Variants in CELF2 observed in about 807,000 individuals in gnomAD.
CELF2 encodes the protein CUGBP Elav-like family member 2, also known as CUG triplet repeat RNA-binding protein 2.
Under a neutral mutation model 62.6 loss-of-function variants are expected in CELF2, and 8 were observed. The ratio of observed to expected loss-of-function variants is 0.13; its 90% CI spans 0.07 to 0.23. CELF2 has a LOEUF of 0.23. CELF2 is among the 10% of genes least tolerant of loss of function. The pLI is 1.00. For missense variants in CELF2, 333 were observed against 671.0 expected (o/e 0.50, Z 5.56); for synonymous variants, 258 against 250.0 (o/e 1.03, Z -0.30).
chr10:10,834,694 A>C (rs906554786), intron 1 of CELF2, among the ~76,000 whole-genome samples: 6 of 152,268 alleles, frequency 3.9e-5, no homozygotes, highest in African/African-American at 1.4e-4. Context: ...TTTCCTCTGC[A>C]TAACAATGAG....
chr10:10,514,006 C>G, the CELF2 span, among the ~76,000 whole-genome samples: 1 of 152,184 alleles, frequency 6.6e-6, no homozygotes, highest in Non-Finnish European at 1.5e-5. Flanking sequence ...CTCTTGCCAG[C>G]AATGGAAGAG....
the CELF2 span, among the ~76,000 whole-genome samples, chr10:10,712,139 G>A: frequency 1.2e-5 from 1 of 80,324 alleles, no homozygotes; most frequent in East Asian, 3.8e-4. Context: ...AAATTGGTAG[G>A]ATAGAGACAA....
chr10:11,144,517 C>T (rs1352961466), intron 1 of CELF2, among the ~76,000 whole-genome samples: 2 of 151,106 alleles, frequency 1.3e-5, no homozygotes, highest in Non-Finnish European at 2.9e-5. Context: ...GTTGAGAAAG[C>T]AGATTAGACA....
chr10:10,745,933 C>T, the CELF2 span, among the ~76,000 whole-genome samples: 1 of 152,182 alleles, frequency 6.6e-6, no homozygotes, highest in Non-Finnish European at 1.5e-5. Context: ...TATTTCCTGC[C>T]TGTCATTTGG....
intron 1 of CELF2, among the ~76,000 whole-genome samples, chr10:10,825,720 A>G (rs879576509): frequency 6.6e-6 from 1 of 152,164 alleles, no homozygotes; most frequent in Non-Finnish European, 1.5e-5. Context: ...AGCAGCAAAG[A>G]GTCCTGAGCC....
At chr10:10,561,848 G>C in the CELF2 span, among the ~76,000 whole-genome samples, 2 of 152,202 alleles carry the variant, frequency 1.3e-5, no homozygotes, top group African/African-American at 2.4e-5. Flanking sequence ...TAGAGACAGA[G>C]AACAAGGGGT....
chr10:10,566,503 G>T, the CELF2 span, among the ~76,000 whole-genome samples: 1 of 149,940 alleles, frequency 6.7e-6, no homozygotes, highest in Non-Finnish European at 1.5e-5. Flanking sequence ...GTGCCATGCT[G>T]GTGCACTGCA....
chr10:10,927,627 G>A (rs1400793658), intron 2 of CELF2, among the ~76,000 whole-genome samples: 1 of 151,960 alleles, frequency 6.6e-6, no homozygotes, highest in African/African-American at 2.4e-5. Context: ...TGGAGTCTTG[G>A]TATGTTACCC....
the CELF2 span, among the ~76,000 whole-genome samples, chr10:10,469,470 G>A: frequency 6.6e-6 from 1 of 151,886 alleles, no homozygotes; most frequent in South Asian, 2.1e-4. Flanking sequence ...AGGAGGTGAA[G>A]TCCCCTTCTA....
rs2082815011 is a variant in CELF2, at chr10:11,268,568, G to C, written c.618+1891G>C. On this transcript the variant is annotated intron_variant, in intron 6 of 12. Transcript: ENST00000633077. This position sits in a 1 kb window ranked among gnomAD's most constrained non-coding sequence, Gnocchi z 4.7. The stretch of plus-strand genomic sequence containing the variant: ...GTAAAGAGTTGGTTTGACCACTGGG[G>C]CATATTTATTCCTAAGCCTTTGATC... 6.6e-6 allele frequency among the ~76,000 whole-genome samples: 1 copy of C among 152,164 alleles called. No individual in the cohort carries two copies. Among genetic ancestry groups the C allele is most frequent in the Non-Finnish European group, 1.5e-5 (1 of 68,026 alleles).
At chr10:11,183,540 A>G (rs1424652423) in intron 2 of CELF2, among the ~76,000 whole-genome samples, 1 of 152,202 alleles carries the variant, frequency 6.6e-6, no homozygotes, top group East Asian at 1.9e-4. Context: ...AAGGGATTGT[A>G]CCATTTTACA....
At chr10:10,727,178 A>G in the CELF2 span, among the ~76,000 whole-genome samples, 1 of 152,188 alleles carries the variant, frequency 6.6e-6, no homozygotes, top group South Asian at 2.1e-4. Flanking sequence ...GGGGACACAG[A>G]TCCAAACCCT....
At chr10:10,462,615 C>CTTTTTTTTTTTTTTTTTTTTTTT in the CELF2 span, among the ~76,000 whole-genome samples, 16 of 69,414 alleles carry the variant, frequency 2.3e-4, no homozygotes, top group East Asian at 5.2e-4. Context: ...TTTTTTTCAT[C>CTTTTTTTTTTTTTTTTTTTTTTT]TTTTTTTTTT....
the CELF2 span, among the ~76,000 whole-genome samples, chr10:10,581,985 G>A: frequency 5.9e-5 from 9 of 152,178 alleles, no homozygotes; most frequent in Admixed American, 5.9e-4. Flanking sequence ...CTGAGATCGT[G>A]CCACTGCACT....
At chr10:11,304,565 CG>C (rs2094049631) in intron 9 of CELF2, among the ~76,000 whole-genome samples, 1 of 152,102 alleles carries the variant, frequency 6.6e-6, no homozygotes, top group Non-Finnish European at 1.5e-5. Flanking sequence ...ATCACATGGC[CG>C]GGGCTGAGTG....
chr10:10,511,149 C>T, the CELF2 span, among the ~76,000 whole-genome samples: 1 of 152,184 alleles, frequency 6.6e-6, no homozygotes, highest in Non-Finnish European at 1.5e-5. Context: ...GTGGCTCACG[C>T]CTGTAATCTC....
chr10:11,132,053 C>T (rs1445334139), intron 1 of CELF2, among the ~76,000 whole-genome samples: 1 of 152,174 alleles, frequency 6.6e-6, no homozygotes, highest in Non-Finnish European at 1.5e-5. Context: ...ACAGAAAGTA[C>T]AGTTTATATC....
chr10:10,512,459 T>C, the CELF2 span, among the ~76,000 whole-genome samples: 1 of 140,980 alleles, frequency 7.1e-6, no homozygotes, highest in Non-Finnish European at 1.5e-5. Flanking sequence ...TAGGCTGGAG[T>C]GCAGTGGCGT....
At chr10:10,858,315 G>A (rs1591267424) in intron 1 of CELF2, among the ~76,000 whole-genome samples, 1 of 152,122 alleles carries the variant, frequency 6.6e-6, no homozygotes, top group East Asian at 1.9e-4. Context: ...TGTTTACATG[G>A]TAAAGAGTAG....
Sources: allele counts gnomAD v4.1 joint callset (sites outside exome capture counted in the v4.1 genomes callset), GRCh38; gene constraint gnomAD v4.1.1; non-coding constraint Gnocchi (gnomAD v3.1); transcripts MANE v1.5; gene names NCBI Gene and HGNC (gene_info 2026-07-23, HGNC 2026-07-21).